Variants in SULT1E1 observed in about 807,000 individuals in gnomAD.
SULT1E1 encodes the protein sulfotransferase family 1E member 1.
In SULT1E1, 36 loss-of-function variants were observed where a neutral mutation model predicts 33.6. The observed-to-expected ratio is 1.07, with a 90% CI of 0.82 to 1.41. The LOEUF (loss-of-function observed/expected upper bound fraction) is 1.41, where lower values mean the gene tolerates loss of function less well. Among genes scored for constraint, SULT1E1 ranks in the 40% most tolerant of loss-of-function variants. The pLI is 0.00. For missense variants in SULT1E1, 371 were observed against 345.7 expected (o/e 1.07, Z -0.58); for synonymous variants, 121 against 111.7 (o/e 1.08, Z -0.53).
the SULT1E1 span, among the ~76,000 whole-genome samples, chr4:69,824,491 G>C: frequency 7.2e-5 from 11 of 152,124 alleles, no homozygotes; most frequent in African/African-American, 2.2e-4. Context: ...CTCACTTTGT[G>C]GCTTCACATA....
Position 69,841,976 on chromosome 4 carries a change from A to T in SULT1E1, c.*18T>A. ...AGAAATCTTTAATATCAGATATGTT[A>T]AGTAAAGAAAGACCTTCTTAGATCT... On this transcript the variant is annotated 3_prime_UTR_variant, in exon 8 of 8. Transcript: ENST00000226444. 1 of 1,325,966 alleles carries T rather than the reference A, an allele frequency of 7.5e-7. No homozygotes were observed. The highest frequency in any genetic ancestry group is 1.1e-6 in the Non-Finnish European group (1 of 934,454). The allele number at this position is 1,325,966 out of a possible 1,614,324, so 82.1% of individuals were successfully genotyped here.
At chr4:69,834,073 G>A in the SULT1E1 span, among the ~76,000 whole-genome samples, 3 of 152,088 alleles carry the variant, frequency 2.0e-5, no homozygotes, top group South Asian at 2.1e-4. Context: ...TTTGTTATTA[G>A]TGACCTCATT....
rs1578100943 is a variant in SULT1E1, at chr4:69,841,930, A to C, written c.*64T>G. ...GTCTTTTCTAGCAATCTAAAATAAG[A>C]AAAAGTGGAGAATAATGAAAAGAAA... On this transcript the variant is annotated 3_prime_UTR_variant, in exon 8 of 8. Coordinates refer to ENST00000226444, the MANE Select transcript of SULT1E1 (RefSeq NM_005420.3). 6 of 884,020 alleles carry C rather than the reference A, an allele frequency of 6.8e-6. No homozygotes were observed. The East Asian group carries it at 1.6e-4, about 23-fold the overall frequency. The allele number at this position is 884,020 out of a possible 1,614,324, so 54.8% of individuals were successfully genotyped here.
chr4:69,840,502 A>G (rs1720861713), downstream of SULT1E1, among the ~76,000 whole-genome samples: 1 of 152,214 alleles, frequency 6.6e-6, no homozygotes, highest in South Asian at 2.1e-4. Context: ...AAAAATTTTA[A>G]TTCTTTTTTC....
chr4:69,845,158 C>T (rs1720949371), intron 6 of SULT1E1, among the ~76,000 whole-genome samples: 1 of 151,704 alleles, frequency 6.6e-6, no homozygotes, highest in Non-Finnish European at 1.5e-5. Context: ...CTATCTTACT[C>T]AAAAGAGAAG....
the SULT1E1 span, among the ~76,000 whole-genome samples, chr4:69,821,217 TA>T: frequency 1.3e-5 from 2 of 152,318 alleles, no homozygotes; most frequent in East Asian, 3.9e-4. Context: ...ATAGAATTTA[TA>T]AAAACTTAAA....
chr4:69,849,697 G>A (rs556414782), intron 4 of SULT1E1, 134 bp from the exon 5 acceptor site: 1 of 749,144 alleles, frequency 1.3e-6, no homozygotes, highest in African/African-American at 1.8e-5. Context: ...CATAAGACAT[G>A]TACAATTATT....
intron 7 of SULT1E1, among the ~76,000 whole-genome samples, chr4:69,843,329 ATATG>A (rs1208796096): frequency 1.3e-5 from 2 of 152,230 alleles, no homozygotes; most frequent in African/African-American, 4.8e-5. Context: ...TGTAACATTT[ATATG>A]TAGAATTTTG....
At chr4:69,839,280 G>A (rs913177700), downstream of SULT1E1, among the ~76,000 whole-genome samples, 1 of 152,178 alleles carries the variant, frequency 6.6e-6, no homozygotes, top group African/African-American at 2.4e-5. Flanking sequence ...TTGGCATCTG[G>A]TGAGGGCCTT....
rs990349651 is a variant in SULT1E1 at position 69,841,407 on chromosome 4, T to C, written c.*587A>G. The C allele has an allele frequency of 2.0e-5, 3 of 152,156 alleles. No homozygotes were observed. Among genetic ancestry groups the C allele is most frequent in the Non-Finnish European group, 4.4e-5 (3 of 68,038 alleles). The allele number at this position is 152,156 out of a possible 1,614,324, so 9.4% of individuals were successfully genotyped here. On this transcript the variant is annotated 3_prime_UTR_variant, in exon 8 of 8. Transcript: ENST00000226444. ...AAAAGTTTCTTATTTCTCATATGCA[T>C]GTACAGCTCAATAAACATGTTACCT...
intron 7 of SULT1E1, among the ~76,000 whole-genome samples, chr4:69,843,907 G>T (rs1305344971): frequency 6.6e-6 from 1 of 152,196 alleles, no homozygotes; most frequent in African/African-American, 2.4e-5. Flanking sequence ...CTAGTAGAGT[G>T]TGATACTATT....
intron 4 of SULT1E1, among the ~76,000 whole-genome samples, chr4:69,850,170 T>C (rs570950510): frequency 9.9e-5 from 15 of 152,074 alleles, no homozygotes; most frequent in African/African-American, 3.4e-4. Flanking sequence ...CAGAAAACTG[T>C]GGTTTTAGTT....
intron 6 of SULT1E1, among the ~76,000 whole-genome samples, chr4:69,847,369 T>C (rs1242344623): frequency 1.3e-5 from 2 of 151,584 alleles, no homozygotes; most frequent in Admixed American, 1.3e-4. Context: ...GACCAGTTAA[T>C]TGCTTGCCCA....
chr4:69,830,114 C>T, the SULT1E1 span, among the ~76,000 whole-genome samples: 2 of 152,198 alleles, frequency 1.3e-5, no homozygotes, highest in Admixed American at 6.5e-5. Flanking sequence ...TCTTTCTAGT[C>T]TCAGCCAACT....
At position 69,844,315 on chromosome 4, in the gene SULT1E1, C is replaced by A; in HGVS notation, c.618G>T (p.Leu206Phe). 6.2e-7 allele frequency: 1 copy of A among 1,613,300 alleles called. No individual in the cohort carries two copies. Among genetic ancestry groups the A allele is most frequent in the Non-Finnish European group, 8.5e-7 (1 of 1,179,584 alleles). ...KEDIRKEVIK[L>F]IHFLERKPSE... ...ATGGCTTCCTTTCCAGGAAATGTAT[C>A]AATTTTATCACCTCTTTTCTGATAT... Residue 206 changes from leucine (L) to phenylalanine (F), a missense_variant, in exon 7 of 8, where the codon TTG (leucine) becomes TTT (phenylalanine). Coordinates refer to ENST00000226444, the MANE Select transcript of SULT1E1 (RefSeq NM_005420.3).
downstream of SULT1E1, among the ~76,000 whole-genome samples, chr4:69,840,906 C>T (rs2110063968): frequency 6.6e-6 from 1 of 152,104 alleles, no homozygotes; most frequent in Non-Finnish European, 1.5e-5. Context: ...ATTAGCCGGG[C>T]GTGGTGGCGG....
chr4:69,827,537 G>A, the SULT1E1 span, among the ~76,000 whole-genome samples: 1 of 152,202 alleles, frequency 6.6e-6, no homozygotes, highest in South Asian at 2.1e-4. Context: ...AGCTACAAGA[G>A]GCCTTAAGGA....
At chr4:69,849,877 C>A (rs1298116026) in intron 4 of SULT1E1, among the ~76,000 whole-genome samples, 1 of 151,770 alleles carries the variant, frequency 6.6e-6, no homozygotes, top group Non-Finnish European at 1.5e-5. Context: ...ATTTATTATT[C>A]TCAATGTATA....
chr4:69,835,488 T>C, the SULT1E1 span, among the ~76,000 whole-genome samples: 1 of 152,174 alleles, frequency 6.6e-6, no homozygotes, highest in African/African-American at 2.4e-5. Context: ...TTTGGAGAAC[T>C]GGAAGATTCA....
Sources: gnomAD v4.1 joint callset for allele counts (sites outside exome capture counted in the v4.1 genomes callset) on GRCh38, gnomAD v4.1.1 for gene constraint, MANE v1.5 for transcripts, NCBI Gene and HGNC (gene_info 2026-07-23, HGNC 2026-07-21) for gene names.